The following SETD2 variants were observed in gnomAD, a reference collection of about 807,000 sequenced individuals.
SETD2 encodes SET domain containing 2, histone lysine methyltransferase, also known as histone-lysine N-methyltransferase SETD2.
In SETD2, 31 loss-of-function variants were observed where a neutral mutation model predicts 242.1. The ratio of observed to expected loss-of-function variants is 0.13; its 90% CI spans 0.10 to 0.17. The LOEUF (loss-of-function observed/expected upper bound fraction) is 0.17, where lower values mean the gene tolerates loss of function less well. Ranked by LOEUF, SETD2 falls within the 10% of genes least tolerant of loss-of-function variation. SETD2 has a pLI of 1.00. For missense variants in SETD2, 2,481 were observed against 3,046.3 expected (o/e 0.81, Z 4.37); for synonymous variants, 1,006 against 1,066.5 (o/e 0.94, Z 1.11).
chr3:47,063,355 G>C (rs1250485237), intron 13 of SETD2, among the ~76,000 whole-genome samples: 1 of 152,066 alleles, frequency 6.6e-6, no homozygotes, highest in Non-Finnish European at 1.5e-5. Context: ...CACACTTGTA[G>C]TCCCAGCTAC....
In SETD2 at chr3:47,097,968, C is replaced by T. The variant is rs1224110613; in HGVS notation, c.5129G>A (p.Arg1710His). The change falls in exon 9 of 21, where the codon CGT (arginine) becomes CAT (histidine). Residue 1710 changes from arginine to histidine, a missense_variant. This residue lies in a region of SETD2 where 62 missense variants were observed against 136.7 expected (regional missense o/e 0.45). Transcript: ENST00000409792. ...ATGCAAACTTACTGAATCCTTCTTA[C>T]GAGATCGTTCCTTCTTCATTTTCCC... is the stretch of plus-strand genomic sequence containing the variant. Reference protein sequence around the residue: ...AGGKMKKERSRKKDSVDGELE... With the variant: ...AGGKMKKERSHKKDSVDGELE... 2.5e-6 allele frequency: 4 copies of T among 1,613,750 alleles called. No individual in the cohort carries two copies. The highest frequency in any genetic ancestry group is 2.5e-6 in the Non-Finnish European group (3 of 1,179,780).
intron 1 of SETD2, among the ~76,000 whole-genome samples, chr3:47,155,921 A>G (rs1316725461): frequency 6.6e-6 from 1 of 152,098 alleles, no homozygotes; most frequent in Admixed American, 6.6e-5. Flanking sequence ...AATATAAACT[A>G]TCTCTCAGGG....
chr3:47,036,950 T>C (rs1184260942), intron 18 of SETD2, among the ~76,000 whole-genome samples: 3 of 143,762 alleles, frequency 2.1e-5, no homozygotes, highest in Non-Finnish European at 3.0e-5. Flanking sequence ...GAAGCGATCA[T>C]AGTAATGGGT....
Position 47,122,748 on chromosome 3 carries a change from G to C in SETD2, c.1888C>G (p.Leu630Val), listed in dbSNP as rs967358278. ...RLNDSPTLKK[L>V]DELPIFKSEF... ...GACTTAAAAATAGGCAATTCATCTA[G>C]CTTTTTTAAAGTAGGTGAATCATTT... The change falls in exon 3 of 21, where the codon CTA becomes GTA. Residue 630 changes from leucine (L) to valine (V), a missense_variant. Transcript: ENST00000409792. 4 of 1,610,542 alleles carry C rather than the reference G, an allele frequency of 2.5e-6. No individual in the cohort carries two copies. Among genetic ancestry groups the C allele is most frequent in the Non-Finnish European group, 3.4e-6 (4 of 1,178,626 alleles).
At position 47,057,161 on chromosome 3, in the gene SETD2, G is replaced by A; in HGVS notation, c.6623C>T (p.Pro2208Leu). The part of the protein sequence containing the change: ...CSPAPYDHAQ[P>L]LVGHSTEPLS... Reference sequence around the variant, plus strand: ...GGGTTCTGTAGAATGTCCCACCAAGGGCTGAGCATGATCATAAGGAGCAGG... The same window carrying A: ...GGGTTCTGTAGAATGTCCCACCAAGAGCTGAGCATGATCATAAGGAGCAGG... Residue 2208 changes from proline (P) to leucine (L), a missense_variant, in exon 15 of 21, where the codon CCC (proline) becomes CTC (leucine). Pro to Leu is a moderately conservative substitution (Grantham distance 98, BLOSUM62 -3). This residue lies in a region of SETD2 where 235 missense variants were observed against 293.9 expected (regional missense o/e 0.80). Transcript: ENST00000409792. 6.2e-7 allele frequency: 1 copy of A among 1,614,112 alleles called. No homozygotes were observed. Among genetic ancestry groups the A allele is most frequent in the Non-Finnish European group, 8.5e-7 (1 of 1,179,966 alleles).
intron 15 of SETD2, among the ~76,000 whole-genome samples, chr3:47,054,481 A>G (rs776440768): frequency 4.6e-5 from 7 of 152,216 alleles, no homozygotes; most frequent in Non-Finnish European, 8.8e-5. Flanking sequence ...TCCCTGATAC[A>G]TATTTTTAGG....
chr3:47,105,669 T>C, intron 6 of SETD2: 1 of 451,236 alleles, frequency 2.2e-6, no homozygotes, highest in South Asian at 1.6e-5. Flanking sequence ...CTCATGCCTG[T>C]AATCTCAATG....
intron 1 of SETD2, among the ~76,000 whole-genome samples, chr3:47,161,497 T>C (rs1256432628): frequency 6.6e-6 from 1 of 152,164 alleles, no homozygotes; most frequent in Non-Finnish European, 1.5e-5. Context: ...TCTCTAGCCT[T>C]CATTTTCTTC....
chr3:47,078,408 A>C (rs921604366), intron 12 of SETD2, among the ~76,000 whole-genome samples: 3 of 152,228 alleles, frequency 2.0e-5, no homozygotes, highest in Non-Finnish European at 4.4e-5. Context: ...AAATACTTTA[A>C]AATGTGAACT....
At chr3:47,097,606 T>C (rs1196196789) in intron 9 of SETD2, among the ~76,000 whole-genome samples, 1 of 152,190 alleles carries the variant, frequency 6.6e-6, no homozygotes, top group South Asian at 2.1e-4. Context: ...ACTCAAAGTT[T>C]AGAGTACCAA....
intron 18 of SETD2, among the ~76,000 whole-genome samples, chr3:47,031,326 C>T (rs1297855069): frequency 1.3e-5 from 2 of 152,118 alleles, no homozygotes; most frequent in Non-Finnish European, 2.9e-5. Flanking sequence ...TTGATGTTGA[C>T]AGAAAGGGAA....
At chr3:47,142,101 A>G (rs2106794848) in intron 1 of SETD2, among the ~76,000 whole-genome samples, 1 of 152,354 alleles carries the variant, frequency 6.6e-6, no homozygotes, top group South Asian at 2.1e-4. Flanking sequence ...GCAAAAGGCT[A>G]TCTGTGTGCT....
At chr3:47,044,395 A>AG (rs1334120415) in intron 16 of SETD2, among the ~76,000 whole-genome samples, 1 of 141,504 alleles carries the variant, frequency 7.1e-6, no homozygotes, top group Admixed American at 7.5e-5. Flanking sequence ...AAGGCCTAGA[A>AG]GGGCTCAACT....
At chr3:47,129,895 AAAAAG>A (rs2043437977) in intron 1 of SETD2, among the ~76,000 whole-genome samples, 1 of 151,994 alleles carries the variant, frequency 6.6e-6, no homozygotes, top group Admixed American at 6.6e-5. Flanking sequence ...AAAAAAAAGA[AAAAAG>A]AAAAGAAAAA....
In SETD2 at chr3:47,163,945, G is replaced by A; in HGVS notation, c.-21C>T. On this transcript the variant is annotated 5_prime_UTR_variant, in exon 1 of 21. Transcript: ENST00000409792. Reference sequence around the variant, plus strand: ...TTCATCGGGAGCGGCTGGAGACGGCGACGCGAGCCCCCTCCCCGCAGCAGG... The same window carrying A: ...TTCATCGGGAGCGGCTGGAGACGGCAACGCGAGCCCCCTCCCCGCAGCAGG... 7.8e-7 allele frequency: 1 copy of A among 1,280,838 alleles called. No individual in the cohort carries two copies. Among genetic ancestry groups the A allele is most frequent in the Middle Eastern group, 2.1e-4 (1 of 4,652 alleles). The allele number at this position is 1,280,838 out of a possible 1,614,324, so 79.3% of individuals were successfully genotyped here.
At chr3:47,057,630 A>C (rs2040137883) in intron 14 of SETD2, 140 bp from the exon 15 acceptor site, 2 of 629,602 alleles carry the variant, frequency 3.2e-6, no homozygotes, top group Admixed American at 5.7e-5. Flanking sequence ...ACTATACTCA[A>C]AATTACTCAG....
At chr3:47,025,469 T>C (rs1012356049) in intron 18 of SETD2, among the ~76,000 whole-genome samples, 1 of 152,220 alleles carries the variant, frequency 6.6e-6, no homozygotes, top group African/African-American at 2.4e-5. Context: ...AAACCATTTA[T>C]TGACTCCCAA....
In SETD2 at chr3:47,017,536, C is replaced by T; in HGVS notation, c.7533+102G>A. On this transcript the variant is annotated intron_variant, in intron 20 of 20. Transcript: ENST00000409792. This position sits in a 1 kb window ranked among gnomAD's most constrained non-coding sequence, Gnocchi z 4.8. ...CTGGGTCCCCAGCTCTGACATCTGA[C>T]AAGAAAAAAAAAAATACTTTCTATG... is the stretch of plus-strand genomic sequence containing the variant. 1 of 931,872 alleles carries T rather than the reference C, an allele frequency of 1.1e-6. No individual in the cohort carries two copies. Among genetic ancestry groups the T allele is most frequent in the Non-Finnish European group, 1.7e-6 (1 of 599,656 alleles). 57.7% of individuals were successfully genotyped at this position (931,872 alleles called of 1,614,324 possible).
At chr3:47,089,006 C>T (rs369866904) in intron 9 of SETD2, among the ~76,000 whole-genome samples, 6 of 152,172 alleles carry the variant, frequency 3.9e-5, no homozygotes, top group African/African-American at 1.4e-4. Flanking sequence ...GAATCAAGTA[C>T]AGCCAAATGC....
Sources: gnomAD v4.1 joint callset for allele counts (sites outside exome capture counted in the v4.1 genomes callset) on GRCh38, gnomAD v4.1.1 for gene constraint, gnomAD v4.1.1 regional missense constraint, Gnocchi (gnomAD v3.1) non-coding constraint, MANE v1.5 for transcripts, NCBI Gene and HGNC (gene_info 2026-07-23, HGNC 2026-07-21) for gene names.